EPB41L4A: variants seen among roughly 807,000 people sequenced by gnomAD.
The protein encoded by EPB41L4A is band 4.1-like protein 4A.
A neutral mutation model predicts 108.6 loss-of-function variants in EPB41L4A; 100 were observed. The observed-to-expected ratio is 0.92, with a 90% CI of 0.78 to 1.09. The LOEUF (loss-of-function observed/expected upper bound fraction) is 1.09, where lower values mean the gene tolerates loss of function less well. EPB41L4A is among the 50% of genes least tolerant of loss of function. The pLI is 0.00. For synonymous variants in EPB41L4A, 319 were observed against 289.0 expected, an observed-to-expected ratio of 1.10 and a Z score of -1.05; for missense variants, 1,030 against 842.7, an observed-to-expected ratio of 1.22 and a Z score of -2.75.
intron 3 of EPB41L4A, among the ~76,000 whole-genome samples, chr5:112,279,120 T>C (rs1370794197): frequency 6.7e-6 from 1 of 150,312 alleles, no homozygotes; most frequent in Non-Finnish European, 1.5e-5. Flanking sequence ...TTCCAACTGG[T>C]ATTTTTTTAA....
intron 2 of EPB41L4A, among the ~76,000 whole-genome samples, chr5:112,290,853 G>A (rs779619516): frequency 6.6e-6 from 1 of 152,118 alleles, no homozygotes; most frequent in Non-Finnish European, 1.5e-5. Flanking sequence ...CAGGGTCCAG[G>A]TGCCCTGCTC....
chr5:112,270,146 A>C (rs535910464), intron 4 of EPB41L4A, among the ~76,000 whole-genome samples: 1 of 152,312 alleles, frequency 6.6e-6, no homozygotes, highest in African/African-American at 2.4e-5. Context: ...GAAGCTCAAA[A>C]CAGAAGGCTC....
intron 3 of EPB41L4A, among the ~76,000 whole-genome samples, chr5:112,278,033 A>T (rs907197524): frequency 1.3e-5 from 2 of 152,194 alleles, no homozygotes; most frequent in African/African-American, 4.8e-5. Flanking sequence ...GGAGTTTCTC[A>T]TTAACTCAAG....
At chr5:112,302,204 GT>G (rs1008246328) in intron 2 of EPB41L4A, among the ~76,000 whole-genome samples, 7 of 152,068 alleles carry the variant, frequency 4.6e-5, no homozygotes, top group Admixed American at 1.3e-4. Flanking sequence ...CGAGTACATG[GT>G]TTTTTAAAAA....
chr5:112,180,193 G>A (rs1761075481), intron 18 of EPB41L4A, among the ~76,000 whole-genome samples: 1 of 152,042 alleles, frequency 6.6e-6, no homozygotes, highest in African/African-American at 2.4e-5. Context: ...AGTCTTTGGG[G>A]GAAGGCAGTA....
At chr5:112,167,686 C>G (rs914743348) in intron 22 of EPB41L4A, among the ~76,000 whole-genome samples, 1 of 152,156 alleles carries the variant, frequency 6.6e-6, no homozygotes, top group Admixed American at 6.5e-5. Flanking sequence ...TGCGGATCAG[C>G]TCTTGCCTCT....
rs1760662361 is a variant in EPB41L4A, at chr5:112,172,857, G to C, written c.1623-1865C>G. 1.3e-5 allele frequency among the ~76,000 whole-genome samples: 2 copies of C among 152,150 alleles called. 1 individual carries two copies. The highest frequency in any genetic ancestry group is 4.1e-4 in the South Asian group (2 of 4,826). On this transcript the variant is annotated intron_variant, in intron 18 of 22. Coordinates refer to ENST00000261486, the MANE Select transcript of EPB41L4A (RefSeq NM_022140.5). ...ATAGTGGGCATATCAGCTTCTTCTA[G>C]TTACAGCAGGGTTTCCCACCCTTGG...
chr5:112,166,824 G>A (rs1351796702), intron 22 of EPB41L4A, among the ~76,000 whole-genome samples: 4 of 152,164 alleles, frequency 2.6e-5, no homozygotes, highest in Non-Finnish European at 5.9e-5. Context: ...AACCATTACT[G>A]GCTTCTGGGC....
At chr5:112,337,808 C>G (rs996034704) in intron 1 of EPB41L4A, among the ~76,000 whole-genome samples, 1 of 152,136 alleles carries the variant, frequency 6.6e-6, no homozygotes, top group Non-Finnish European at 1.5e-5. Flanking sequence ...GTGAACTCTT[C>G]TAATATGAGT....
At chr5:112,146,136 TA>T (rs1162677022) in intron 12 of EPB41L4A, 1 of 308,854 alleles carries the variant, frequency 3.2e-6, no homozygotes, top group Non-Finnish European at 6.4e-6. Flanking sequence ...TTCACTATTG[TA>T]GACCAAAGTT....
intron 1 of EPB41L4A, among the ~76,000 whole-genome samples, chr5:112,311,558 G>A (rs1445470927): frequency 6.6e-6 from 1 of 152,060 alleles, no homozygotes; most frequent in African/African-American, 2.4e-5. Context: ...ACAACCTTTC[G>A]TAGTTCTTTT....
chr5:112,342,154 C>T (rs955396985), intron 1 of EPB41L4A, among the ~76,000 whole-genome samples: 3 of 152,074 alleles, frequency 2.0e-5, no homozygotes, highest in Non-Finnish European at 2.9e-5. Context: ...TAACAAATAA[C>T]CATTTTTATA....
chr5:112,314,530 A>G (rs928469084), intron 1 of EPB41L4A, among the ~76,000 whole-genome samples: 5 of 142,764 alleles, frequency 3.5e-5, no homozygotes, highest in Non-Finnish European at 7.8e-5. Flanking sequence ...AAAAAAAAAA[A>G]AAAAAAAAGA....
intron 20 of EPB41L4A, 72 bp downstream of exon 20, chr5:112,170,229 A>T (rs1760495647): frequency 7.0e-7 from 1 of 1,426,920 alleles, no homozygotes; most frequent in Non-Finnish European, 9.8e-7. Flanking sequence ...CTGGAACACA[A>T]TTGAAGAATT....
chr5:112,284,191 C>G (rs1753133964), intron 2 of EPB41L4A, among the ~76,000 whole-genome samples: 1 of 152,170 alleles, frequency 6.6e-6, no homozygotes, highest in Non-Finnish European at 1.5e-5. Flanking sequence ...TTCAGTCTTT[C>G]CACCTGCCCC....
In EPB41L4A at chr5:112,194,455, T is replaced by G. The variant is rs1761860503; in HGVS notation, c.1502+113A>C. 5 of 590,796 alleles carry G rather than the reference T, an allele frequency of 8.5e-6. No individual in the cohort carries two copies. In the East Asian group the frequency reaches 1.6e-4, roughly 18 times the overall value. 36.6% of individuals were successfully genotyped at this position (590,796 alleles called of 1,614,324 possible). On this transcript the variant is annotated intron_variant, in intron 17 of 22. Transcript: ENST00000261486. ...CTAAGTGCTTCAAAATAGTGCCAGA[T>G]TGCTTCTCAGACTCAGATGGAAAAA...
At chr5:112,413,466 CATTCTTCTATCAA>C (rs1471977355) in intron 1 of EPB41L4A, among the ~76,000 whole-genome samples, 1 of 152,230 alleles carries the variant, frequency 6.6e-6, no homozygotes, top group Non-Finnish European at 1.5e-5. Flanking sequence ...ACACTCCACT[CATTCTTCTATCAA>C]ATTATAGTTA....
chr5:112,244,989 T>G (rs1750100709), intron 9 of EPB41L4A, among the ~76,000 whole-genome samples: 1 of 151,868 alleles, frequency 6.6e-6, no homozygotes, highest in South Asian at 2.1e-4. Context: ...TGTGACACAG[T>G]GACACGAAGT....
At chr5:112,231,710 G>C (rs113981699) in intron 12 of EPB41L4A, among the ~76,000 whole-genome samples, 1 of 147,422 alleles carries the variant, frequency 6.8e-6, no homozygotes, top group Non-Finnish European at 1.5e-5. Context: ...GCGTGAACCC[G>C]GGAGGCGGAG....
Sources: allele counts gnomAD v4.1 joint callset (sites outside exome capture counted in the v4.1 genomes callset), GRCh38; gene constraint gnomAD v4.1.1; transcripts MANE v1.5; gene names NCBI Gene and HGNC (gene_info 2026-07-23, HGNC 2026-07-21).